Variants in ADGRL3 observed in about 807,000 individuals in gnomAD.
The protein encoded by ADGRL3 is calcium-independent alpha-latrotoxin receptor 3.
Under a neutral mutation model 153.5 loss-of-function variants are expected in ADGRL3, and 62 were observed. The observed-to-expected ratio is 0.40, with a 90% confidence interval of 0.33 to 0.50. The LOEUF (loss-of-function observed/expected upper bound fraction) is 0.50. ADGRL3 is among the 20% of genes least tolerant of loss of function. The pLI is 0.47. For missense variants in ADGRL3, 1,641 were observed against 1,859.4 expected (o/e 0.88, Z 2.16); for synonymous variants, 710 against 672.5 (o/e 1.06, Z -0.86).
chr4:61,509,783 A>G (rs1579254759), intron 3 of ADGRL3, among the ~76,000 whole-genome samples: 1 of 152,202 alleles, frequency 6.6e-6, no homozygotes, highest in African/African-American at 2.4e-5. Flanking sequence ...GTATATACCC[A>G]ATAATGGGAA....
chr4:61,383,495 G>A (rs1015181537), intron 2 of ADGRL3, among the ~76,000 whole-genome samples: 8 of 151,708 alleles, frequency 5.3e-5, no homozygotes, highest in East Asian at 1.9e-4. Context: ...GTTTTAGTAG[G>A]TCTTCACCTT....
At chr4:61,787,929 A>G (rs949310999) in intron 8 of ADGRL3, among the ~76,000 whole-genome samples, 1 of 98,208 alleles carries the variant, frequency 1.0e-5, no homozygotes, top group African/African-American at 7.3e-5. Context: ...AAAAAATGAT[A>G]GAAAAAAATA....
intron 1 of ADGRL3, among the ~76,000 whole-genome samples, chr4:61,371,689 G>T (rs987781988): frequency 6.6e-6 from 1 of 152,090 alleles, no homozygotes; most frequent in Non-Finnish European, 1.5e-5. Flanking sequence ...CAACTTTGGT[G>T]AATTGGACAA....
At chr4:61,743,164 C>G (rs189597478) in intron 8 of ADGRL3, among the ~76,000 whole-genome samples, 1 of 151,004 alleles carries the variant, frequency 6.6e-6, no homozygotes, top group Non-Finnish European at 1.5e-5. Context: ...ATTAAAAATA[C>G]GAAAAATTAG....
intron 2 of ADGRL3, among the ~76,000 whole-genome samples, chr4:61,416,538 T>A (rs1357299635): frequency 6.6e-6 from 1 of 152,216 alleles, no homozygotes; most frequent in Non-Finnish European, 1.5e-5. Flanking sequence ...TGCTTCCTAT[T>A]TGCAACAAGC....
chr4:61,291,210 ACACACACG>A (rs1322744262), intron 1 of ADGRL3, among the ~76,000 whole-genome samples: 7 of 133,534 alleles, frequency 5.2e-5, no homozygotes, highest in African/African-American at 1.1e-4. Context: ...ACACACACAC[ACACACACG>A]CACACACACA....
intron 1 of ADGRL3, among the ~76,000 whole-genome samples, chr4:61,333,763 T>C (rs1332253871): frequency 6.6e-6 from 1 of 151,642 alleles, no homozygotes; most frequent in Non-Finnish European, 1.5e-5. Context: ...TATCCAGCAA[T>C]TAATTAATTA....
At chr4:61,904,195 A>C (rs980577104) in intron 11 of ADGRL3, among the ~76,000 whole-genome samples, 1 of 144,560 alleles carries the variant, frequency 6.9e-6, no homozygotes, top group Non-Finnish European at 1.5e-5. Flanking sequence ...AAAAAAAAAC[A>C]CTTCTTGAAT....
chr4:61,935,939 A>G lies in ADGRL3; in HGVS notation c.2313A>G (p.Arg771=). ...TATTAACAGAATTGGAAGTTGCAAG[A>G]CTGAGCACAGAAGGAAACTTAGAAG... ...NTDNIKLEVA[R]LSTEGNLEDL... Residue 771 remains arginine, a synonymous_variant, in exon 15 of 27, where the codon AGA becomes AGG. Coordinates refer to ENST00000683033, the MANE Select transcript of ADGRL3 (RefSeq NM_001387552.1). 6.3e-7 allele frequency: 1 copy of G among 1,595,162 alleles called. No homozygotes were observed. Among genetic ancestry groups the G allele is most frequent in the Non-Finnish European group, 8.5e-7 (1 of 1,169,874 alleles).
At chr4:61,686,163 G>T (rs961832661) in intron 6 of ADGRL3, among the ~76,000 whole-genome samples, 1 of 151,996 alleles carries the variant, frequency 6.6e-6, no homozygotes, top group African/African-American at 2.4e-5. Context: ...TTCATTCAAA[G>T]AAATTTGTAT....
chr4:61,775,757 C>T lies in ADGRL3; in HGVS notation c.1400-38052C>T, dbSNP rs140702266. ...TTGGTAGCTTCATGAATTCCACGTG[C>T]TAGGCAATCGTGGATGAGGGCAGTC... On this transcript the variant is annotated intron_variant, in intron 8 of 26. Coordinates refer to ENST00000683033, the MANE Select transcript of ADGRL3 (RefSeq NM_001387552.1). 1,693 of 869,858 alleles carry T rather than the reference C, an allele frequency of 1.9e-3. 34 individuals are homozygous for T. In the East Asian group the frequency reaches 0.036, roughly 18 times the overall value. 53.9% of individuals were successfully genotyped at this position (869,858 alleles called of 1,614,324 possible).
chr4:61,395,796 G>A (rs78752199), intron 2 of ADGRL3, among the ~76,000 whole-genome samples: 6,912 of 151,908 alleles, frequency 0.046, 211 homozygotes, highest in Non-Finnish European at 0.068. Context: ...AACTGGCATG[G>A]ACTTCAATAA....
At chr4:61,465,707 A>G (rs1033671126) in intron 2 of ADGRL3, among the ~76,000 whole-genome samples, 12 of 147,944 alleles carry the variant, frequency 8.1e-5, no homozygotes, top group African/African-American at 2.7e-4. Context: ...ACAAACCAAC[A>G]TAGTTTATCT....
At chr4:61,599,419 A>G (rs113681458) in intron 5 of ADGRL3, among the ~76,000 whole-genome samples, 7,694 of 152,022 alleles carry the variant, frequency 0.051, 601 homozygotes, top group African/African-American at 0.17. Flanking sequence ...GGCTCCCTCC[A>G]CCTCCTGGTT....
At chr4:61,913,471 C>T (rs79280961) in intron 13 of ADGRL3, among the ~76,000 whole-genome samples, 2,610 of 152,108 alleles carry the variant, frequency 0.017, 83 homozygotes, top group African/African-American at 0.061. Context: ...TAGCTGTAAA[C>T]TTTATTCTAC....
chr4:61,568,042 GT>G (rs1247998907), intron 4 of ADGRL3, among the ~76,000 whole-genome samples: 4 of 151,966 alleles, frequency 2.6e-5, no homozygotes, highest in African/African-American at 7.3e-5. Context: ...ATTTGTTGTG[GT>G]CTTTTCCCTT....
chr4:61,800,236 T>A (rs1484600625), intron 8 of ADGRL3, among the ~76,000 whole-genome samples: 3 of 152,208 alleles, frequency 2.0e-5, no homozygotes, highest in Non-Finnish European at 4.4e-5. Context: ...ATATATTGTA[T>A]ATATGGGATA....
intron 1 of ADGRL3, among the ~76,000 whole-genome samples, chr4:61,290,663 A>AAAGGAAGG (rs35577402): frequency 6.8e-6 from 1 of 146,044 alleles, no homozygotes; most frequent in Non-Finnish European, 1.5e-5. Context: ...AGGAAGGAAG[A>AAAGGAAGG]AAGGAAGGAA....
intron 9 of ADGRL3, among the ~76,000 whole-genome samples, chr4:61,841,276 G>A (rs1026576267): frequency 1.5e-4 from 23 of 151,510 alleles, no homozygotes; most frequent in Non-Finnish European, 2.9e-4. Flanking sequence ...ATTGTTGATC[G>A]CTACCAGGTT....
Sources: allele counts gnomAD v4.1 joint callset (sites outside exome capture counted in the v4.1 genomes callset), GRCh38; gene constraint gnomAD v4.1.1; transcripts MANE v1.5; gene names NCBI Gene and HGNC (gene_info 2026-07-23, HGNC 2026-07-21).